The following IQGAP1 variants were observed in gnomAD, a reference collection of about 807,000 sequenced individuals.
IQGAP1 encodes the protein IQ motif containing GTPase activating protein 1.
IQGAP1 carries 66 observed loss-of-function variants against 215.6 expected under a neutral mutation model. That is an observed-to-expected ratio of 0.31 (90% CI 0.25 to 0.38). The LOEUF (loss-of-function observed/expected upper bound fraction) is 0.38. IQGAP1 is among the 10% of genes least tolerant of loss of function. The pLI is 1.00. For missense variants in IQGAP1, 1,712 were observed against 1,997.1 expected (o/e 0.86, Z 2.72); for synonymous variants, 772 against 728.7 (o/e 1.06, Z -0.96).
At chr15:90,426,028 G>A in intron 2 of IQGAP1, 82 bp from the exon 3 acceptor site, 1 of 1,343,416 alleles carries the variant, frequency 7.4e-7, no homozygotes, top group Non-Finnish European at 1.0e-6. Context: ...TCTCCAAGGA[G>A]AATGGAAATA....
At chr15:90,393,470 C>CTATTTTTTTTTTT in intron 2 of IQGAP1, 1 of 151,950 alleles carries the variant, frequency 6.6e-6, no homozygotes, top group African/African-American at 2.4e-5. Flanking sequence ...TTTTTTCTGA[C>CTATTTTTTTTTTT]TGTTTTTGAT....
chr15:90,484,316 C>A lies in IQGAP1; in HGVS notation c.3885C>A (p.Ile1295=). The A allele has an allele frequency of 2.5e-6, 4 of 1,612,344 alleles. No homozygotes were observed. The highest frequency in any genetic ancestry group is 3.4e-6 in the Non-Finnish European group (4 of 1,178,480). Residue 1295 remains isoleucine, a synonymous_variant, in exon 30 of 38, where the codon ATC becomes ATA. Transcript: ENST00000268182. ...TAGTAACCCTCACCAAACCAGTAAT[C>A]TACATTTCCATTGGTGAAATCATCA... ...SDLVTLTKPV[I]YISIGEIINT... is the part of the protein sequence containing the mutation.
chr15:90,443,073 C>T (rs1965474877), intron 8 of IQGAP1, among the ~76,000 whole-genome samples: 1 of 152,152 alleles, frequency 6.6e-6, no homozygotes. Context: ...ATCTTACTGT[C>T]ACAGCCTCCT....
chr15:90,467,230 G>A (rs1488655090), intron 17 of IQGAP1, among the ~76,000 whole-genome samples: 1 of 152,096 alleles, frequency 6.6e-6, no homozygotes, highest in African/African-American at 2.4e-5. Context: ...GACTTCATAG[G>A]TATTTTCTTC....
At chr15:90,466,817 T>C (rs552526491) in intron 17 of IQGAP1, among the ~76,000 whole-genome samples, 17 of 152,258 alleles carry the variant, frequency 1.1e-4, no homozygotes, top group Admixed American at 3.3e-4. Flanking sequence ...CTGGGCCGGG[T>C]GCGGTGGCAC....
At position 90,483,529 on chromosome 15, in the gene IQGAP1, C is replaced by T. The variant is rs753762261; in HGVS notation, c.3724C>T (p.Leu1242=). 1.9e-6 allele frequency: 3 copies of T among 1,614,166 alleles called. No individual in the cohort carries two copies. The highest frequency in any genetic ancestry group is 2.5e-6 in the Non-Finnish European group (3 of 1,180,030). Residue 1242 remains leucine (L), a synonymous_variant, in exon 29 of 38, where the codon CTG becomes TTG. Transcript: ENST00000268182. ...GCATGCTGCTTCCAATAAGATGTTTCTGGGAGATAATGCCCACTTAAGCAT... is the reference window on the plus strand; with the variant it reads ...GCATGCTGCTTCCAATAAGATGTTTTTGGGAGATAATGCCCACTTAAGCAT... ...LQHAASNKMF[L]GDNAHLSIIN...
At chr15:90,483,136 G>A (rs1966081699) in intron 28 of IQGAP1, 4 of 486,402 alleles carry the variant, frequency 8.2e-6, no homozygotes, top group Admixed American at 3.5e-5. Context: ...GTAGTTTTCA[G>A]TTCTGTTCTC....
chr15:90,390,912 GA>G (rs762644647), intron 2 of IQGAP1, 39 bp downstream of exon 2: 1 of 1,192,040 alleles, frequency 8.4e-7, no homozygotes, highest in Admixed American at 1.7e-5. Context: ...TAAGAGAAGG[GA>G]ACTGATAATA....
At chr15:90,483,790 A>G (rs989968374) in intron 29 of IQGAP1, among the ~76,000 whole-genome samples, 197 bp downstream of exon 29, 1 of 152,362 alleles carries the variant, frequency 6.6e-6, no homozygotes, top group East Asian at 1.9e-4. Context: ...AGTAGTTAAC[A>G]CTTATGAAAT....
At position 90,388,254 on chromosome 15, in the gene IQGAP1, C is replaced by A. The variant is rs550262812; in HGVS notation, c.-88C>A. On this transcript the variant is annotated 5_prime_UTR_variant, in exon 1 of 38. Transcript: ENST00000268182. Reference sequence around the variant, plus strand: ...GCGGGGCCTCGGGGACCCCGGCAAGCCCGCGCACTTGGCAGGAGCTGTAGC... The same window carrying A: ...GCGGGGCCTCGGGGACCCCGGCAAGACCGCGCACTTGGCAGGAGCTGTAGC... 1.2e-4 allele frequency: 169 copies of A among 1,464,254 alleles called. 1 individual carries two copies. In the African/African-American group the frequency reaches 2.2e-3, roughly 19 times the overall value. The allele number at this position is 1,464,254 out of a possible 1,614,324, so 90.7% of individuals were successfully genotyped here. A position where few individuals can be genotyped will look rare whatever the true frequency, so the allele number is the denominator to read the frequency against.
chr15:90,483,989 G>T (rs1419113615), intron 29 of IQGAP1, among the ~76,000 whole-genome samples: 1 of 152,154 alleles, frequency 6.6e-6, no homozygotes, highest in Non-Finnish European at 1.5e-5. Context: ...TTAAGTCATG[G>T]TGCAATGGTT....
At chr15:90,499,945 T>A in intron 37 of IQGAP1, 50 bp from the exon 38 acceptor site, 1 of 1,172,166 alleles carries the variant, frequency 8.5e-7, no homozygotes, top group Non-Finnish European at 1.2e-6. Context: ...TCCACAGACT[T>A]GATTAACTGT....
intron 18 of IQGAP1, 87 bp downstream of exon 18, chr15:90,467,679 C>A: frequency 7.3e-7 from 1 of 1,364,518 alleles, no homozygotes; most frequent in Non-Finnish European, 9.9e-7. Flanking sequence ...GGCATGTGGT[C>A]AGAAGCCCTA....
chr15:90,465,960 T>C (rs2074583), intron 15 of IQGAP1, 41 bp from the exon 16 acceptor site: 514,774 of 1,490,206 alleles, frequency 0.35, 95,037 homozygotes, highest in East Asian at 0.64. Flanking sequence ...ACATGTACCC[T>C]GATTTCATGA....
intron 17 of IQGAP1, among the ~76,000 whole-genome samples, 174 bp downstream of exon 17, chr15:90,466,610 C>A (rs182115404): frequency 6.0e-5 from 9 of 150,858 alleles, no homozygotes; most frequent in Non-Finnish European, 1.0e-4. Context: ...CCTTCCCCCC[C>A]CCCTTGTGGA....
intron 33 of IQGAP1, among the ~76,000 whole-genome samples, chr15:90,488,994 C>G (rs1966166791): frequency 6.6e-6 from 1 of 152,058 alleles, no homozygotes; most frequent in Non-Finnish European, 1.5e-5. Flanking sequence ...TTAATTAATT[C>G]AGCAGTGCTA....
intron 28 of IQGAP1, 43 bp from the exon 29 acceptor site, chr15:90,483,318 G>A (rs758661472): frequency 7.1e-7 from 1 of 1,401,230 alleles, no homozygotes; most frequent in East Asian, 2.3e-5. Flanking sequence ...CTTCCTTGGT[G>A]GTATGTCTTT....
Position 90,472,924 on chromosome 15 carries a change from C to G in IQGAP1, c.2263C>G (p.Arg755Gly), listed in dbSNP as rs1288348944. Residue 755 changes from arginine (R) to glycine (G), a missense_variant, in exon 19 of 38, where the codon CGC becomes GGC. This residue lies in a region of IQGAP1 where 1,021 missense variants were observed against 1,074.2 expected (regional missense o/e 0.95). Coordinates refer to ENST00000268182, the MANE Select transcript of IQGAP1 (RefSeq NM_003870.4). ...NEGLITRLQA[R>G]CRGYLVRQEF... Reference sequence around the variant, plus strand: ...AGGCCTGATCACCAGGCTGCAGGCTCGCTGCCGTGGATACTTAGTTCGACA... The same window carrying G: ...AGGCCTGATCACCAGGCTGCAGGCTGGCTGCCGTGGATACTTAGTTCGACA... 1 of 1,613,842 alleles carries G rather than the reference C, an allele frequency of 6.2e-7. No individual in the cohort carries two copies. The highest frequency in any genetic ancestry group is 8.5e-7 in the Non-Finnish European group (1 of 1,179,944).
chr15:90,497,232 G>A lies in IQGAP1; in HGVS notation c.4752G>A (p.Gln1584=), dbSNP rs1337216247. 2 of 1,531,876 alleles carry A rather than the reference G, an allele frequency of 1.3e-6. No individual in the cohort carries two copies. The highest frequency in any genetic ancestry group is 2.3e-5 in the South Asian group (2 of 88,560). 94.9% of individuals were successfully genotyped at this position (1,531,876 alleles called of 1,614,324 possible). A position where few individuals can be genotyped will look rare whatever the true frequency, so the allele number is the denominator to read the frequency against. ...LLEIEDLQVN[Q]FKNVIFEISP... ...CCCTTACGATGTTATCTTTCAACAG[G>A]TTTAAAAATGTTATATTTGAAATCA... Residue 1584 remains glutamine, a splice_region_variant and synonymous_variant, in exon 37 of 38, where the codon CAG becomes CAA. Transcript: ENST00000268182.
Sources: allele counts gnomAD v4.1 joint callset (sites outside exome capture counted in the v4.1 genomes callset), GRCh38; gene constraint gnomAD v4.1.1; regional missense constraint gnomAD v4.1.1; transcripts MANE v1.5; gene names NCBI Gene and HGNC (gene_info 2026-07-23, HGNC 2026-07-21).